The following NUAK1 variants were observed in gnomAD, a reference collection of about 807,000 sequenced individuals.
NUAK1 encodes NUAK family SNF1-like kinase 1.
Under a neutral mutation model 56.9 loss-of-function variants are expected in NUAK1, and 26 were observed. The observed-to-expected ratio is 0.46, with a 90% CI of 0.33 to 0.63. The LOEUF (loss-of-function observed/expected upper bound fraction) is 0.63, where lower values mean the gene tolerates loss of function less well. Among genes scored for constraint, NUAK1 ranks in the 30% least tolerant of loss-of-function variants. The probability of loss-of-function intolerance (pLI) is 0.02; values close to 1 mark genes in which losing one functional copy is unlikely to be tolerated. For synonymous variants in NUAK1, 337 were observed against 336.0 expected (o/e 1.00, Z -0.03); for missense variants, 727 against 876.1 (o/e 0.83, Z 2.15).
intron 1 of NUAK1, among the ~76,000 whole-genome samples, chr12:106,118,137 G>A (rs913273239): frequency 2.6e-5 from 4 of 152,120 alleles, no homozygotes; most frequent in Non-Finnish European, 5.9e-5. Flanking sequence ...ACAAATCCAT[G>A]GAGGCAATAC....
chr12:106,123,309 C>A (rs541414943), intron 1 of NUAK1, among the ~76,000 whole-genome samples: 1 of 152,276 alleles, frequency 6.6e-6, no homozygotes, highest in African/African-American at 2.4e-5. Context: ...CAGCACTAGT[C>A]CTGCCCAGCA....
At chr12:106,108,019 A>T (rs1055612571) in intron 1 of NUAK1, among the ~76,000 whole-genome samples, 15 of 152,052 alleles carry the variant, frequency 9.9e-5, no homozygotes, top group Non-Finnish European at 1.6e-4. Context: ...CATACGGTAG[A>T]CCCGGGAAAA....
In NUAK1 at chr12:106,138,537, C is replaced by T. The variant is rs373464676; in HGVS notation, c.117G>A (p.Pro39=). The change falls in exon 1 of 7, where the codon CCG becomes CCA. Residue 39 remains proline (P), a synonymous_variant. Coordinates refer to ENST00000261402, the MANE Select transcript of NUAK1 (RefSeq NM_014840.3). The surrounding 1 kb of genome is among the most constrained non-coding windows in gnomAD (Gnocchi z 5.0). ...TGTGGTGATGCCGCTTCACCCCGTG[C>T]GGCTTCCTGGGCTCCAGGGCTGCAG... is the stretch of plus-strand genomic sequence containing the variant. ...GATAALEPRK[P]HGVKRHHHKH... 2.5e-6 allele frequency: 4 copies of T among 1,612,344 alleles called. No homozygotes were observed. The African/African-American group carries it at 4.0e-5, about 16-fold the overall frequency.
At chr12:106,135,149 G>A (rs1297968410) in intron 1 of NUAK1, among the ~76,000 whole-genome samples, 1 of 152,190 alleles carries the variant, frequency 6.6e-6, no homozygotes, top group Non-Finnish European at 1.5e-5. Flanking sequence ...AAGAAGCTGA[G>A]GTTTCAAAAA....
At chr12:106,079,936 G>A (rs892563285) in intron 4 of NUAK1, among the ~76,000 whole-genome samples, 5 of 152,204 alleles carry the variant, frequency 3.3e-5, no homozygotes, top group South Asian at 4.1e-4. Flanking sequence ...TACACAGTAG[G>A]ACCTTAATGA....
intron 2 of NUAK1, among the ~76,000 whole-genome samples, chr12:106,099,211 A>G (rs12315345): frequency 0.053 from 8,007 of 152,260 alleles, 694 homozygotes; most frequent in African/African-American, 0.18. Context: ...GACACATTTG[A>G]AAGGAATTAT....
chr12:106,122,554 C>G (rs571976585), intron 1 of NUAK1, among the ~76,000 whole-genome samples: 81 of 152,212 alleles, frequency 5.3e-4, no homozygotes, highest in African/African-American at 1.9e-3. Flanking sequence ...GATTGGATAA[C>G]AAGAAAAGAA....
intron 4 of NUAK1, among the ~76,000 whole-genome samples, chr12:106,073,616 G>C (rs755859014): frequency 3.9e-5 from 6 of 152,032 alleles, no homozygotes; most frequent in African/African-American, 1.2e-4. Context: ...TCAAGAATTC[G>C]AGACCAGCCT....
chr12:106,138,575 C>T lies in NUAK1; in HGVS notation c.79G>A (p.Val27Met). ...LGAPGSPREAVAGATAALEPR... is the reference protein window; with the variant it reads ...LGAPGSPREAMAGATAALEPR... The stretch of plus-strand genomic sequence containing the variant: ...TCCAGGGCTGCAGTCGCCCCCGCCA[C>T]CGCCTCTCGGGGAGAGCCCGGCGCC... The change falls in exon 1 of 7, where the codon GTG (valine) becomes ATG (methionine). Residue 27 changes from valine (V) to methionine (M), a missense_variant. By Grantham distance (21) the Val-to-Met change is conservative. Coordinates refer to ENST00000261402, the MANE Select transcript of NUAK1 (RefSeq NM_014840.3). This position sits in a 1 kb window ranked among gnomAD's most constrained non-coding sequence, Gnocchi z 5.0. 1 of 1,602,548 alleles carries T rather than the reference C, an allele frequency of 6.2e-7. No homozygotes were observed. Among genetic ancestry groups the T allele is most frequent in the Non-Finnish European group, 8.5e-7 (1 of 1,178,460 alleles).
At chr12:106,078,997 T>C (rs1057081092) in intron 4 of NUAK1, among the ~76,000 whole-genome samples, 6 of 152,210 alleles carry the variant, frequency 3.9e-5, no homozygotes, top group Admixed American at 3.9e-4. Flanking sequence ...TGATGTGCTC[T>C]TAGATGTATG....
At chr12:106,070,661 A>G in intron 6 of NUAK1, 113 bp downstream of exon 6, 2 of 1,366,098 alleles carry the variant, frequency 1.5e-6, no homozygotes, top group Non-Finnish European at 2.0e-6. Context: ...AAGAAGAAAG[A>G]GGAAAACCAG....
Position 106,106,506 on chromosome 12 carries a change from C to T in NUAK1, c.260G>A (p.Arg87His), listed in dbSNP as rs769008203. The T allele has an allele frequency of 6.8e-6, 11 of 1,612,512 alleles. No homozygotes were observed. The highest frequency in any genetic ancestry group is 4.0e-5 in the African/African-American group (3 of 74,848). ...TTGTTCATCCTTAATTTTGTCCTTA[C>T]GAATGGATTTTATAGCAACCTATAA... ...SGRVVAIKSIRKDKIKDEQDM... is the reference protein window; with the variant it reads ...SGRVVAIKSIHKDKIKDEQDM... Residue 87 changes from arginine (R) to histidine (H), a missense_variant, in exon 2 of 7, where the codon CGT becomes CAT. Arg to His is a conservative substitution (Grantham distance 29). Transcript: ENST00000261402.
intron 6 of NUAK1, among the ~76,000 whole-genome samples, chr12:106,068,880 T>G (rs996055118): frequency 1.6e-4 from 24 of 152,222 alleles, no homozygotes; most frequent in African/African-American, 5.5e-4. Flanking sequence ...TAATAGGGAC[T>G]GGGGCAAGAA....
chr12:106,138,316 G>C lies in NUAK1; in HGVS notation c.240+98C>G. The C allele has an allele frequency of 6.9e-7, 1 of 1,455,216 alleles. No individual in the cohort carries two copies. Among genetic ancestry groups the C allele is most frequent in the Non-Finnish European group, 9.0e-7 (1 of 1,105,040 alleles). The allele number at this position is 1,455,216 out of a possible 1,614,324, so 90.1% of individuals were successfully genotyped here. ...TCCCAATGAGCCCCCTCTCTGTCAA[G>C]AGAGCCCCAGGGCGCACAGACCCCC... On this transcript the variant is annotated intron_variant, in intron 1 of 6. Coordinates refer to ENST00000261402, the MANE Select transcript of NUAK1 (RefSeq NM_014840.3). The surrounding 1 kb of genome is among the most constrained non-coding windows in gnomAD (Gnocchi z 5.0).
In NUAK1 at chr12:106,094,871, T is replaced by C. The variant is rs148833121; in HGVS notation, c.362-7986A>G. Among the ~76,000 whole-genome samples, 954 of 152,158 alleles carry C rather than the reference T, an allele frequency of 6.3e-3. 10 individuals are homozygous for C. The highest frequency in any genetic ancestry group is 0.022 in the African/African-American group (916 of 41,502). On this transcript the variant is annotated intron_variant, in intron 2 of 6. Transcript: ENST00000261402. Reference sequence around the variant, plus strand: ...GCCAATGGGGCCCAATATCCAATCCTAGGAAGGCAGGGGACGTGGCCAGGA... The same window carrying C: ...GCCAATGGGGCCCAATATCCAATCCCAGGAAGGCAGGGGACGTGGCCAGGA...
chr12:106,092,091 T>C (rs1481247482), intron 2 of NUAK1, among the ~76,000 whole-genome samples: 1 of 152,074 alleles, frequency 6.6e-6, no homozygotes, highest in East Asian at 1.9e-4. Context: ...AGAAACAATA[T>C]TGCCAGCCCC....
intron 1 of NUAK1, among the ~76,000 whole-genome samples, chr12:106,134,584 T>G (rs2033111167): frequency 6.6e-6 from 1 of 152,236 alleles, no homozygotes; most frequent in East Asian, 1.9e-4. Context: ...AGAGATAACC[T>G]GGTACAGTGA....
intron 1 of NUAK1, among the ~76,000 whole-genome samples, chr12:106,118,962 A>G (rs1029074777): frequency 1.3e-5 from 2 of 152,208 alleles, no homozygotes; most frequent in African/African-American, 2.4e-5. Flanking sequence ...AATGTAAGCT[A>G]TGTAAGGATA....
chr12:106,090,772 T>C (rs770800613), intron 2 of NUAK1, among the ~76,000 whole-genome samples: 12 of 152,210 alleles, frequency 7.9e-5, no homozygotes, highest in Non-Finnish European at 1.5e-4. Flanking sequence ...TGCTCATAAT[T>C]ACTTCATCAG....
Sources: allele counts gnomAD v4.1 joint callset (sites outside exome capture counted in the v4.1 genomes callset), GRCh38; gene constraint gnomAD v4.1.1; non-coding constraint Gnocchi (gnomAD v3.1); transcripts MANE v1.5; gene names NCBI Gene and HGNC (gene_info 2026-07-23, HGNC 2026-07-21).